Variants in OPCML observed in about 807,000 individuals in gnomAD.
OPCML encodes opioid-binding protein/cell adhesion molecule.
In OPCML, 13 loss-of-function variants were observed where a neutral mutation model predicts 37.8. The observed-to-expected ratio is 0.34, with a 90% CI of 0.22 to 0.55. The LOEUF is 0.55. OPCML is among the 20% of genes least tolerant of loss of function. The probability of loss-of-function intolerance (pLI) is 0.91; values close to 1 mark genes in which losing one functional copy is unlikely to be tolerated. For synonymous variants in OPCML, 176 were observed against 168.8 expected (o/e 1.04, Z -0.33); for missense variants, 341 against 435.6 (o/e 0.78, Z 1.93).
chr11:133,233,382 C>G (rs1029972105), intron 1 of OPCML, among the ~76,000 whole-genome samples: 3 of 152,142 alleles, frequency 2.0e-5, no homozygotes, highest in African/African-American at 7.2e-5. Flanking sequence ...TGTCTACGAG[C>G]AGGGCATAAG....
chr11:132,899,414 T>G (rs567613971), intron 2 of OPCML, among the ~76,000 whole-genome samples: 4 of 152,138 alleles, frequency 2.6e-5, no homozygotes, highest in Non-Finnish European at 5.9e-5. Flanking sequence ...GTGTTGTTAA[T>G]TTTACATCAT....
chr11:133,256,879 G>A (rs547942113), intron 1 of OPCML, among the ~76,000 whole-genome samples: 2 of 152,286 alleles, frequency 1.3e-5, no homozygotes, highest in South Asian at 4.1e-4. Flanking sequence ...ATTCCTCCAG[G>A]TAAATTCTCT....
At chr11:133,099,817 G>A (rs1949060499) in intron 1 of OPCML, among the ~76,000 whole-genome samples, 2 of 152,116 alleles carry the variant, frequency 1.3e-5, no homozygotes, top group South Asian at 2.1e-4. Context: ...CTGGATATCA[G>A]CCCTTTGTCA....
intron 1 of OPCML, among the ~76,000 whole-genome samples, chr11:133,487,596 T>C (rs1445196594): frequency 6.6e-6 from 1 of 152,132 alleles, no homozygotes; most frequent in Non-Finnish European, 1.5e-5. Context: ...CATCTGCTTA[T>C]CATGAGTCCT....
At chr11:133,062,779 T>C (rs1246038903) in intron 1 of OPCML, among the ~76,000 whole-genome samples, 1 of 152,206 alleles carries the variant, frequency 6.6e-6, no homozygotes, top group East Asian at 1.9e-4. Flanking sequence ...CTGTCATTGA[T>C]CCCAATCCTG....
chr11:132,673,817 C>CA (rs556053451), intron 2 of OPCML, among the ~76,000 whole-genome samples: 101 of 152,146 alleles, frequency 6.6e-4, no homozygotes, highest in African/African-American at 2.4e-3. Context: ...GAATTGGGGC[C>CA]AAAAACTGAA....
chr11:133,131,158 C>T (rs1013542346), intron 1 of OPCML, among the ~76,000 whole-genome samples: 2 of 152,098 alleles, frequency 1.3e-5, no homozygotes, highest in Non-Finnish European at 2.9e-5. Flanking sequence ...AGGAAGCAGG[C>T]TTTCAGCAGA....
intron 1 of OPCML, among the ~76,000 whole-genome samples, chr11:132,993,644 G>A (rs935094058): frequency 6.6e-6 from 1 of 152,038 alleles, no homozygotes; most frequent in East Asian, 1.9e-4. Flanking sequence ...CCTGCCCTCC[G>A]CGAGCCTAGA....
chr11:133,162,678 G>A (rs1391658660), intron 1 of OPCML, among the ~76,000 whole-genome samples: 2 of 152,168 alleles, frequency 1.3e-5, no homozygotes, highest in Admixed American at 6.5e-5. Context: ...TTACAGCCAC[G>A]AGGGAAGAAA....
chr11:132,647,568 G>A (rs542226141), intron 3 of OPCML, among the ~76,000 whole-genome samples: 2 of 152,214 alleles, frequency 1.3e-5, no homozygotes, highest in South Asian at 4.1e-4. Context: ...TTGGAGTAAA[G>A]AAAATGAGAC....
intron 1 of OPCML, among the ~76,000 whole-genome samples, chr11:133,069,307 A>G (rs1246032607): frequency 6.6e-6 from 1 of 152,180 alleles, no homozygotes; most frequent in African/African-American, 2.4e-5. Flanking sequence ...GTAGGCACTT[A>G]TTTATATTTA....
intron 4 of OPCML, among the ~76,000 whole-genome samples, chr11:132,443,890 C>A (rs2096045162): frequency 6.6e-6 from 1 of 152,218 alleles, no homozygotes; most frequent in African/African-American, 2.4e-5. Flanking sequence ...AACATAATCA[C>A]AAAACTGAGC....
intron 1 of OPCML, among the ~76,000 whole-genome samples, chr11:133,481,223 C>T (rs567666744): frequency 5.3e-5 from 8 of 152,240 alleles, no homozygotes; most frequent in South Asian, 2.1e-4. Context: ...CAAAAGTACA[C>T]GAGGCTGCCT....
chr11:132,740,130 GATAA>G (rs1040271082), intron 2 of OPCML, among the ~76,000 whole-genome samples: 81 of 152,314 alleles, frequency 5.3e-4, no homozygotes, highest in African/African-American at 1.9e-3. Context: ...GGTGTCGAAG[GATAA>G]ATAGTCAGGA....
intron 1 of OPCML, among the ~76,000 whole-genome samples, chr11:133,191,200 T>C (rs546431414): frequency 6.6e-6 from 1 of 152,326 alleles, no homozygotes; most frequent in South Asian, 2.1e-4. Flanking sequence ...ATTATGACTT[T>C]GGTATTTATT....
intron 1 of OPCML, among the ~76,000 whole-genome samples, chr11:133,467,692 T>G (rs192621633): frequency 6.6e-6 from 1 of 152,236 alleles, no homozygotes; most frequent in East Asian, 1.9e-4. Context: ...CCTGGTCCCA[T>G]ATGTCCTGAA....
At chr11:132,469,648 G>A (rs918763276) in intron 4 of OPCML, among the ~76,000 whole-genome samples, 5 of 137,288 alleles carry the variant, frequency 3.6e-5, no homozygotes. Flanking sequence ...GTGTGTGGGG[G>A]TGTATGTGTG....
At chr11:133,393,468 C>T (rs557485307) in intron 1 of OPCML, among the ~76,000 whole-genome samples, 32 of 152,328 alleles carry the variant, frequency 2.1e-4, no homozygotes, top group Admixed American at 5.2e-4. Flanking sequence ...TGCCTGGCTA[C>T]AGCTTACCAT....
chr11:133,453,509 A>G (rs1946618344), intron 1 of OPCML, among the ~76,000 whole-genome samples: 3 of 152,230 alleles, frequency 2.0e-5, no homozygotes. Context: ...AATGCCAAAA[A>G]TGAAGACAAG....
Sources: gnomAD v4.1 joint callset for allele counts (sites outside exome capture counted in the v4.1 genomes callset) on GRCh38, gnomAD v4.1.1 for gene constraint, MANE v1.5 for transcripts, NCBI Gene and HGNC (gene_info 2026-07-23, HGNC 2026-07-21) for gene names.